The following ZFAT variants were observed in gnomAD, a reference collection of about 807,000 sequenced individuals.
The protein encoded by ZFAT is zinc finger protein ZFAT.
Under a neutral mutation model 117.7 loss-of-function variants are expected in ZFAT, and 64 were observed. The observed-to-expected ratio is 0.54, with a 90% CI of 0.44 to 0.67. ZFAT has a LOEUF of 0.67. ZFAT is among the 30% of genes least tolerant of loss of function. ZFAT has a pLI of 0.00. For missense variants in ZFAT, 1,433 were observed against 1,584.5 expected (o/e 0.90, Z 1.62); for synonymous variants, 679 against 615.0 (o/e 1.10, Z -1.54).
intron 3 of ZFAT, among the ~76,000 whole-genome samples, chr8:134,611,149 C>T (rs751769595): frequency 1.3e-4 from 20 of 152,220 alleles, no homozygotes; most frequent in African/African-American, 4.8e-5. Flanking sequence ...ATGCAAACAG[C>T]ACAGGCAGTC....
intron 1 of ZFAT, among the ~76,000 whole-genome samples, chr8:134,668,583 C>G (rs6995026): frequency 0.35 from 52,600 of 152,134 alleles, 9,464 homozygotes; most frequent in South Asian, 0.43. Context: ...AAAGGACATC[C>G]ACACCAAAAC....
the ZFAT span, among the ~76,000 whole-genome samples, chr8:134,813,334 T>A: frequency 4.6e-5 from 7 of 152,258 alleles, no homozygotes; most frequent in African/African-American, 1.7e-4. Context: ...ATAACCGAGA[T>A]GGGCAGCCTT....
chr8:134,667,969 A>T (rs28800849), intron 1 of ZFAT, among the ~76,000 whole-genome samples: 4 of 152,124 alleles, frequency 2.6e-5, no homozygotes, highest in African/African-American at 9.7e-5. Context: ...TATCCCGCGC[A>T]TGGCTCCGTG....
At chr8:134,490,923 G>A (rs1586569555) in intron 15 of ZFAT, among the ~76,000 whole-genome samples, 2 of 152,150 alleles carry the variant, frequency 1.3e-5, no homozygotes, top group East Asian at 3.9e-4. Flanking sequence ...CCTGCCTAGA[G>A]CTCTCCTCCA....
At chr8:134,571,238 G>A (rs1396944755) in intron 10 of ZFAT, among the ~76,000 whole-genome samples, 3 of 152,234 alleles carry the variant, frequency 2.0e-5, no homozygotes, top group Non-Finnish European at 2.9e-5. Context: ...TGGAGCATGA[G>A]GGAGTGTGGA....
rs533816405 is a variant in ZFAT at position 134,671,091 on chromosome 8, T to C, written c.20-13354A>G. ...CTCTGAATAGACCAATAACAGGCTCTGAAATTGAGGCAATAATTAATAGCA... is the reference window on the plus strand; with the variant it reads ...CTCTGAATAGACCAATAACAGGCTCCGAAATTGAGGCAATAATTAATAGCA... On this transcript the variant is annotated intron_variant, in intron 1 of 15. Coordinates refer to ENST00000377838, the MANE Select transcript of ZFAT (RefSeq NM_020863.4). Among the ~76,000 whole-genome samples the C allele has an allele frequency of 9.9e-5, 15 of 152,266 alleles. 1 individual carries two copies. The South Asian group carries it at 3.1e-3, about 32-fold the overall frequency.
At chr8:134,671,889 A>G (rs1215196486) in intron 1 of ZFAT, among the ~76,000 whole-genome samples, 1 of 152,252 alleles carries the variant, frequency 6.6e-6, no homozygotes, top group Admixed American at 6.5e-5. Context: ...TTAAGCTGAT[A>G]AGCAACTTCA....
intron 12 of ZFAT, among the ~76,000 whole-genome samples, chr8:134,532,226 C>CT (rs910500150): frequency 3.0e-4 from 46 of 152,038 alleles, no homozygotes; most frequent in African/African-American, 9.4e-4. Context: ...TCTAGAATGT[C>CT]TTTTTTTTCT....
chr8:134,685,106 C>T (rs1833257757), intron 1 of ZFAT, among the ~76,000 whole-genome samples: 1 of 152,216 alleles, frequency 6.6e-6, no homozygotes, highest in Admixed American at 6.5e-5. Flanking sequence ...AGTGACCACA[C>T]TGGACCCTCC....
chr8:134,544,126 T>G (rs553110187), intron 11 of ZFAT, among the ~76,000 whole-genome samples: 1 of 152,312 alleles, frequency 6.6e-6, no homozygotes, highest in South Asian at 2.1e-4. Flanking sequence ...CAGGAAGTTG[T>G]AAGTTCTTCT....
At chr8:134,790,981 T>C in the ZFAT span, among the ~76,000 whole-genome samples, 10 of 152,202 alleles carry the variant, frequency 6.6e-5, no homozygotes, top group Admixed American at 2.0e-4. Context: ...TGCCATGCGA[T>C]AGAGCAAGAC....
chr8:134,602,073 G>T lies in ZFAT; in HGVS notation c.1646C>A (p.Pro549Gln). Reference sequence around the variant, plus strand: ...GGCAGGCATTTCCCCAGGGGCCTCCGGCTCCTTCCGGCCCTCCTCCAGCTG... The same window carrying T: ...GGCAGGCATTTCCCCAGGGGCCTCCTGCTCCTTCCGGCCCTCCTCCAGCTG... ...DTQLEEGRKE[P>Q]EAPGEMPAPA... The change falls in exon 6 of 16, where the codon CCG becomes CAG. Residue 549 changes from proline to glutamine, a missense_variant. Transcript: ENST00000377838. The T allele has an allele frequency of 6.2e-7, 1 of 1,611,118 alleles. No individual in the cohort carries two copies.
the ZFAT span, among the ~76,000 whole-genome samples, chr8:134,746,349 C>G: frequency 5.3e-5 from 8 of 152,266 alleles, no homozygotes; most frequent in African/African-American, 1.9e-4. Context: ...ACAAGATGCC[C>G]CAAATTGAAG....
In ZFAT at chr8:134,657,497, C is replaced by T. The variant is rs190198941; in HGVS notation, c.196+64G>A. 4.1e-5 allele frequency: 61 copies of T among 1,471,752 alleles called. No individual in the cohort carries two copies. In the Admixed American group the frequency reaches 9.5e-4, roughly 23 times the overall value. The allele number at this position is 1,471,752 out of a possible 1,614,324, so 91.2% of individuals were successfully genotyped here. A position where few individuals can be genotyped will look rare whatever the true frequency, so the allele number is the denominator to read the frequency against. On this transcript the variant is annotated intron_variant, in intron 2 of 15. Coordinates refer to ENST00000377838, the MANE Select transcript of ZFAT (RefSeq NM_020863.4). Reference sequence around the variant, plus strand: ...ATTTTCTAGGCTTCTGCTATGCCCACGGAGCAAATCAACATCAACAGGTGT... The same window carrying T: ...ATTTTCTAGGCTTCTGCTATGCCCATGGAGCAAATCAACATCAACAGGTGT...
At position 134,600,194 on chromosome 8, in the gene ZFAT, T is replaced by C. The variant is rs1827296523; in HGVS notation, c.2475+242A>G. 2.7e-5 allele frequency: 15 copies of C among 547,170 alleles called. 1 individual carries two copies. In the South Asian group the frequency reaches 3.1e-4, roughly 11 times the overall value. The allele number at this position is 547,170 out of a possible 1,614,324, so 33.9% of individuals were successfully genotyped here. On this transcript the variant is annotated intron_variant, in intron 7 of 15. Transcript: ENST00000377838. ...TATCTCTTCTGTAGACTTTATCTGA[T>C]GCTAAAAAAATTTGCACAGGAAACA...
intron 1 of ZFAT, among the ~76,000 whole-genome samples, chr8:134,662,101 A>G (rs1311751104): frequency 6.6e-6 from 1 of 152,178 alleles, no homozygotes; most frequent in Non-Finnish European, 1.5e-5. Context: ...GGCAGAATCA[A>G]TGCTTGGTGA....
At chr8:134,676,712 C>T (rs1296940157) in intron 1 of ZFAT, among the ~76,000 whole-genome samples, 1 of 152,168 alleles carries the variant, frequency 6.6e-6, no homozygotes, top group African/African-American at 2.4e-5. Flanking sequence ...CACTCCTCAG[C>T]AAATGCAAAA....
chr8:134,607,389 C>T (rs145928870), intron 5 of ZFAT, among the ~76,000 whole-genome samples: 7 of 152,336 alleles, frequency 4.6e-5, no homozygotes, highest in Non-Finnish European at 7.3e-5. Flanking sequence ...TTAATGAGAG[C>T]ACTACATGTG....
rs917445945 is a variant in ZFAT at position 134,657,241 on chromosome 8, T to C, written c.196+320A>G. On this transcript the variant is annotated intron_variant, in intron 2 of 15. Coordinates refer to ENST00000377838, the MANE Select transcript of ZFAT (RefSeq NM_020863.4). ...CAAAGTGAGGCTTGGAGAAGTAACA[T>C]CATTGGCTTCAGGTAATGCAGCCAG... 5.3e-5 allele frequency among the ~76,000 whole-genome samples: 8 copies of C among 152,170 alleles called. No homozygotes were observed. In the South Asian group the frequency reaches 6.2e-4, roughly 12 times the overall value.
Sources: gnomAD v4.1 joint callset for allele counts (sites outside exome capture counted in the v4.1 genomes callset) on GRCh38, gnomAD v4.1.1 for gene constraint, MANE v1.5 for transcripts, NCBI Gene and HGNC (gene_info 2026-07-23, HGNC 2026-07-21) for gene names.